Variants in ZNF716 observed in about 807,000 individuals in gnomAD.
ZNF716 encodes zinc finger protein 716.
In ZNF716, 9 loss-of-function variants were observed where a neutral mutation model predicts 13.4. The ratio of observed to expected loss-of-function variants is 0.67; its 90% CI spans 0.41 to 1.18. The LOEUF (loss-of-function observed/expected upper bound fraction) is 1.18. ZNF716 is among the 50% of genes most tolerant of loss of function. ZNF716 has a pLI of 0.01. For missense variants in ZNF716, 581 were observed against 576.6 expected (o/e 1.01, Z -0.08); for synonymous variants, 186 against 195.2 (o/e 0.95, Z 0.39).
At chr7:57,456,614 A>C (rs1789594985) in intron 1 of ZNF716, among the ~76,000 whole-genome samples, 1 of 152,130 alleles carries the variant, frequency 6.6e-6, no homozygotes, top group South Asian at 2.1e-4. Flanking sequence ...GGGTGCCTGT[A>C]ATCCCAACTA....
At chr7:57,450,428 G>A (rs782681586) in intron 1 of ZNF716, 101 bp downstream of exon 1, 1 of 1,598,314 alleles carries the variant, frequency 6.3e-7, no homozygotes, top group South Asian at 1.1e-5. Context: ...GTCAGCTCCG[G>A]AGTCTGAGGA....
chr7:57,458,349 T>A (rs1789641400), intron 1 of ZNF716, among the ~76,000 whole-genome samples: 1 of 152,220 alleles, frequency 6.6e-6, no homozygotes, highest in South Asian at 2.1e-4. Context: ...ATTATTTCTT[T>A]TTTCTTTGTT....
intron 3 of ZNF716, among the ~76,000 whole-genome samples, chr7:57,465,573 CT>C (rs1293056516): frequency 1.3e-5 from 2 of 152,132 alleles, no homozygotes; most frequent in Admixed American, 1.3e-4. Context: ...TGGTATCAAA[CT>C]TCTTACCCCA....
chr7:57,464,691 T>A (rs182780554), intron 3 of ZNF716, among the ~76,000 whole-genome samples: 195 of 148,508 alleles, frequency 1.3e-3, no homozygotes, highest in African/African-American at 4.2e-3. Context: ...TTCCACTATA[T>A]TTTTTTTCTA....
At chr7:57,459,082 T>A (rs1789656979) in intron 1 of ZNF716, among the ~76,000 whole-genome samples, 1 of 152,246 alleles carries the variant, frequency 6.6e-6, no homozygotes, top group African/African-American at 2.4e-5. Context: ...TTTATGTAAT[T>A]GTATCATTTC....
At chr7:57,455,344 T>C (rs1789566485) in intron 1 of ZNF716, among the ~76,000 whole-genome samples, 1 of 152,116 alleles carries the variant, frequency 6.6e-6, no homozygotes, top group Admixed American at 6.6e-5. Context: ...TAAAAAATAT[T>C]TTGGCCACTG....
intron 1 of ZNF716, among the ~76,000 whole-genome samples, chr7:57,461,057 G>A (rs782590123): frequency 5.3e-5 from 8 of 151,642 alleles, no homozygotes; most frequent in African/African-American, 7.3e-5. Context: ...ATCACATGAG[G>A]TCAGGAGTTC....
At chr7:57,461,571 T>G (rs565163646) in intron 1 of ZNF716, among the ~76,000 whole-genome samples, 1 of 152,308 alleles carries the variant, frequency 6.6e-6, no homozygotes, top group South Asian at 2.1e-4. Context: ...TATTTGTCTT[T>G]TAAAAATGAA....
chr7:57,458,867 C>G (rs1390253279), intron 1 of ZNF716, among the ~76,000 whole-genome samples: 1 of 152,026 alleles, frequency 6.6e-6, no homozygotes. Context: ...TCTTTTAATT[C>G]TAACATTAGA....
Position 57,470,095 on chromosome 7 carries a change from C to A in ZNF716, c.*146C>A. On this transcript the variant is annotated 3_prime_UTR_variant, in exon 4 of 4. Transcript: ENST00000420713. ...AAGATAATTCATATTGGACAAAAGT[C>A]TTATAAATGTAAAAAAAAAAGTAAC... is the stretch of plus-strand genomic sequence containing the variant. 4 of 762,372 alleles carry A rather than the reference C, an allele frequency of 5.2e-6. No individual in the cohort carries two copies. The highest frequency in any genetic ancestry group is 7.9e-6 in the Non-Finnish European group (4 of 506,158). The allele number at this position is 762,372 out of a possible 1,614,324, so 47.2% of individuals were successfully genotyped here. A position where few individuals can be genotyped will look rare whatever the true frequency, so the allele number is the denominator to read the frequency against.
In ZNF716 at chr7:57,468,877, A is replaced by G. The variant is rs1554324553; in HGVS notation, c.416A>G (p.Lys139Arg). ...AGTGTAGGTGAGTGTGAGGTGCACA[A>G]AGGAGGTTATAATTATGTTAACCAA... ...CKSVGECEVH[K>R]GGYNYVNQCL... is the part of the protein sequence containing the mutation. Residue 139 changes from lysine to arginine, a missense_variant, in exon 4 of 4, where the codon AAA (lysine) becomes AGA (arginine). Physicochemically the swap from Lys to Arg is conservative, Grantham distance 26. Coordinates refer to ENST00000420713, the MANE Select transcript of ZNF716 (RefSeq NM_001159279.1). The G allele has an allele frequency of 6.2e-7, 1 of 1,613,648 alleles. No homozygotes were observed. Among genetic ancestry groups the G allele is most frequent in the Non-Finnish European group, 8.5e-7 (1 of 1,179,808 alleles).
At chr7:57,450,641 G>T (rs1554321412) in intron 1 of ZNF716, among the ~76,000 whole-genome samples, 1 of 152,172 alleles carries the variant, frequency 6.6e-6, no homozygotes, top group Non-Finnish European at 1.5e-5. Context: ...CATCAGGGAA[G>T]AATCCAGACT....
At chr7:57,455,257 G>T (rs1340066145) in intron 1 of ZNF716, among the ~76,000 whole-genome samples, 1 of 152,172 alleles carries the variant, frequency 6.6e-6, no homozygotes, top group Non-Finnish European at 1.5e-5. Flanking sequence ...AGAAAATGGG[G>T]TTGTATGTTG....
At chr7:57,450,375 A>G in intron 1 of ZNF716, 48 bp downstream of exon 1, 1 of 1,613,562 alleles carries the variant, frequency 6.2e-7, no homozygotes, top group Middle Eastern at 1.7e-4. Context: ...GGCTGGTTGG[A>G]ACTGACTGAA....
chr7:57,451,232 C>A (rs1037488678), intron 1 of ZNF716, among the ~76,000 whole-genome samples: 3 of 151,876 alleles, frequency 2.0e-5, no homozygotes, highest in Admixed American at 6.6e-5. Context: ...CCAGGGTGCT[C>A]TTGAAATCCT....
intron 2 of ZNF716, 23 bp from the exon 3 acceptor site, chr7:57,463,050 C>CT (rs782466992): frequency 7.5e-6 from 12 of 1,605,192 alleles, no homozygotes; most frequent in Non-Finnish European, 7.6e-6. Flanking sequence ...ATTTATGTTA[C>CT]TTTTTTTTCC....
intron 3 of ZNF716, among the ~76,000 whole-genome samples, chr7:57,466,801 AAT>A (rs1208228083): frequency 6.6e-6 from 1 of 151,902 alleles, no homozygotes; most frequent in African/African-American, 2.4e-5. Flanking sequence ...TTTTGTTGAA[AAT>A]GAGATCTTAA....
At chr7:57,450,356 A>G (rs1583712634) in intron 1 of ZNF716, 29 bp downstream of exon 1, 1 of 1,613,388 alleles carries the variant, frequency 6.2e-7, no homozygotes, top group Admixed American at 1.7e-5. Flanking sequence ...ACCGTGAGAG[A>G]GGGGTGGGGG....
rs4443609 is a variant in ZNF716, at chr7:57,472,781, C to A, written c.*2832C>A. On this transcript the variant is annotated 3_prime_UTR_variant, in exon 4 of 4. Transcript: ENST00000420713. Reference sequence around the variant, plus strand: ...CATGCCTGGCCTACTAGAGGTTTTACACAGCAAACAAGTTGAAGAATTTTG... The same window carrying A: ...CATGCCTGGCCTACTAGAGGTTTTAAACAGCAAACAAGTTGAAGAATTTTG... 119,494 of 152,106 alleles carry A rather than the reference C, an allele frequency of 0.79. 47,418 individuals are homozygous for A. The highest frequency in any genetic ancestry group is 0.91 in the East Asian group (4,688 of 5,168). The allele number at this position is 152,106 out of a possible 1,614,324, so 9.4% of individuals were successfully genotyped here. A position where few individuals can be genotyped will look rare whatever the true frequency, so the allele number is the denominator to read the frequency against.
Sources: allele counts gnomAD v4.1 joint callset (sites outside exome capture counted in the v4.1 genomes callset), GRCh38; gene constraint gnomAD v4.1.1; transcripts MANE v1.5; gene names NCBI Gene and HGNC (gene_info 2026-07-23, HGNC 2026-07-21).